The following SPAG16 variants were observed in gnomAD, a reference collection of about 807,000 sequenced individuals.
SPAG16 encodes the protein sperm associated antigen 16, also known as sperm-associated antigen 16 protein.
A neutral mutation model predicts 80.4 loss-of-function variants in SPAG16; 86 were observed. The observed-to-expected ratio is 1.07, with a 90% CI of 0.90 to 1.28. SPAG16 has a LOEUF of 1.28. SPAG16 is among the 50% of genes most tolerant of loss of function. The pLI is 0.00. For synonymous variants in SPAG16, 294 were observed against 265.9 expected (o/e 1.11, Z -1.03); for missense variants, 870 against 765.3 (o/e 1.14, Z -1.61).
At chr2:213,786,031 A>G (rs1019739700) in intron 10 of SPAG16, among the ~76,000 whole-genome samples, 1 of 152,102 alleles carries the variant, frequency 6.6e-6, no homozygotes, top group Non-Finnish European at 1.5e-5. Flanking sequence ...AATTTTATAT[A>G]TAGACAGCAA....
chr2:214,307,536 A>G (rs1300263039), intron 15 of SPAG16, among the ~76,000 whole-genome samples: 1 of 150,138 alleles, frequency 6.7e-6, no homozygotes, highest in Non-Finnish European at 1.5e-5. Context: ...ATTTAGTGCT[A>G]TAAATTTCCC....
chr2:213,369,315 G>A (rs2066503537), intron 8 of SPAG16, among the ~76,000 whole-genome samples: 1 of 152,168 alleles, frequency 6.6e-6, no homozygotes, highest in African/African-American at 2.4e-5. Context: ...TGGTTAAAAT[G>A]AGAAATATGT....
intron 10 of SPAG16, among the ~76,000 whole-genome samples, chr2:213,616,137 A>T (rs2061589012): frequency 6.6e-6 from 1 of 152,230 alleles, no homozygotes; most frequent in Admixed American, 6.5e-5. Flanking sequence ...GCTCAAAGCC[A>T]TGTACCATTA....
chr2:213,481,565 C>T (rs1265478390), intron 9 of SPAG16, among the ~76,000 whole-genome samples: 1 of 152,226 alleles, frequency 6.6e-6, no homozygotes, highest in African/African-American at 2.4e-5. Flanking sequence ...TAAGTGCCCC[C>T]TGACCTCCTG....
intron 10 of SPAG16, among the ~76,000 whole-genome samples, chr2:213,730,162 C>A (rs1319492310): frequency 2.6e-5 from 4 of 152,168 alleles, no homozygotes; most frequent in Non-Finnish European, 5.9e-5. Context: ...GCAGTTTAAC[C>A]ATCAGAGGAA....
intron 10 of SPAG16, among the ~76,000 whole-genome samples, chr2:213,704,829 G>C (rs983032281): frequency 1.3e-5 from 2 of 152,186 alleles, no homozygotes; most frequent in African/African-American, 4.8e-5. Flanking sequence ...GATTAAAAAG[G>C]TGACTCTATT....
intron 9 of SPAG16, among the ~76,000 whole-genome samples, chr2:213,394,069 T>C (rs866832098): frequency 3.3e-5 from 5 of 152,122 alleles, no homozygotes; most frequent in Non-Finnish European, 5.9e-5. Flanking sequence ...TATAAGTTCT[T>C]CATTATAATG....
chr2:214,365,952 G>C (rs1699450706), intron 15 of SPAG16, among the ~76,000 whole-genome samples: 1 of 151,244 alleles, frequency 6.6e-6, no homozygotes, highest in Non-Finnish European at 1.5e-5. Flanking sequence ...TTAAGAGGCT[G>C]GTCATCAGAA....
intron 9 of SPAG16, among the ~76,000 whole-genome samples, chr2:213,401,553 A>C (rs1310283583): frequency 6.6e-6 from 1 of 152,230 alleles, no homozygotes; most frequent in Non-Finnish European, 1.5e-5. Flanking sequence ...TCCTTTAAAA[A>C]GCTACTCCTT....
intron 3 of SPAG16, among the ~76,000 whole-genome samples, 186 bp from the exon 4 acceptor site, chr2:213,309,873 G>A (rs1347334954): frequency 6.6e-6 from 1 of 151,990 alleles, no homozygotes; most frequent in Non-Finnish European, 1.5e-5. Context: ...TAGGAGGACA[G>A]AGATTTGTTT....
At chr2:213,340,854 T>G (rs2064647609) in intron 6 of SPAG16, among the ~76,000 whole-genome samples, 2 of 152,150 alleles carry the variant, frequency 1.3e-5, no homozygotes, top group Admixed American at 6.6e-5. Context: ...AAAATAAATT[T>G]ACAATCCTTA....
At chr2:214,329,591 A>G (rs1226787966) in intron 15 of SPAG16, among the ~76,000 whole-genome samples, 1 of 152,212 alleles carries the variant, frequency 6.6e-6, no homozygotes, top group African/African-American at 2.4e-5. Context: ...AAATGTTTCT[A>G]GAATCTACAG....
intron 15 of SPAG16, chr2:214,240,101 T>C (rs1189806218): frequency 6.6e-6 from 1 of 152,166 alleles, no homozygotes; most frequent in Non-Finnish European, 1.5e-5. Context: ...CCCAAAGTCC[T>C]GGGGACGCTG....
At chr2:213,400,263 A>T (rs1347052887) in intron 9 of SPAG16, among the ~76,000 whole-genome samples, 10 of 152,086 alleles carry the variant, frequency 6.6e-5, no homozygotes, top group Non-Finnish European at 1.5e-4. Context: ...TGGCTTTTCT[A>T]CTATTTTAAG....
intron 13 of SPAG16, among the ~76,000 whole-genome samples, chr2:214,025,772 A>G (rs1305299697): frequency 6.6e-6 from 1 of 151,574 alleles, no homozygotes; most frequent in Non-Finnish European, 1.5e-5. Flanking sequence ...ACCATTTAGT[A>G]TACTCAGGCA....
At chr2:214,078,940 A>C (rs1484395408) in intron 13 of SPAG16, among the ~76,000 whole-genome samples, 1 of 152,190 alleles carries the variant, frequency 6.6e-6, no homozygotes, top group African/African-American at 2.4e-5. Flanking sequence ...ATACTGCACT[A>C]TTGCCCTTCC....
rs74778216 is a variant in SPAG16, at chr2:214,024,923, A to G, written c.1527+10846A>G. Among the ~76,000 whole-genome samples the G allele has an allele frequency of 3.1e-4, 47 of 151,782 alleles. No individual in the cohort carries two copies. The East Asian group carries it at 7.3e-3, about 24-fold the overall frequency. On this transcript the variant is annotated intron_variant, in intron 13 of 15. Coordinates refer to ENST00000331683, the MANE Select transcript of SPAG16 (RefSeq NM_024532.5). ...GCCTCCAGTCTTTTCTGCCTTGAGC[A>G]TAATAATGTAGAAAAATTACAGATT...
intron 15 of SPAG16, among the ~76,000 whole-genome samples, chr2:214,380,525 T>C (rs967609706): frequency 4.6e-5 from 7 of 152,226 alleles, no homozygotes; most frequent in Admixed American, 3.3e-4. Flanking sequence ...TATTTTATTT[T>C]TTAATAAAAA....
At chr2:213,708,741 A>G (rs1000158597) in intron 10 of SPAG16, among the ~76,000 whole-genome samples, 2 of 152,184 alleles carry the variant, frequency 1.3e-5, no homozygotes, top group Non-Finnish European at 2.9e-5. Flanking sequence ...AGCCGAGACC[A>G]TGCCATTGCA....
Sources: allele counts gnomAD v4.1 joint callset (sites outside exome capture counted in the v4.1 genomes callset), GRCh38; gene constraint gnomAD v4.1.1; transcripts MANE v1.5; gene names NCBI Gene and HGNC (gene_info 2026-07-23, HGNC 2026-07-21).